The following CTNNA3 variants were observed in gnomAD, a reference collection of about 807,000 sequenced individuals.
CTNNA3 encodes the protein catenin alpha-3.
In CTNNA3, 76 loss-of-function variants were observed where a neutral mutation model predicts 95.7. The observed-to-expected ratio is 0.79, with a 90% CI of 0.66 to 0.96. The LOEUF (loss-of-function observed/expected upper bound fraction) is 0.96, where lower values mean the gene tolerates loss of function less well. Among genes scored for constraint, CTNNA3 ranks in the 40% least tolerant of loss-of-function variants. CTNNA3 has a pLI of 0.00. For synonymous variants in CTNNA3, 431 were observed against 374.4 expected (o/e 1.15, Z -1.74); for missense variants, 1,191 against 1,089.8 (o/e 1.09, Z -1.31).
intron 11 of CTNNA3, among the ~76,000 whole-genome samples, chr10:66,457,492 A>G (rs1002151691): frequency 1.8e-4 from 27 of 152,064 alleles, no homozygotes; most frequent in Non-Finnish European, 8.8e-5. Context: ...CCTCAGCAAT[A>G]CTATTCCTGG....
chr10:66,913,256 A>AG (rs1846311175), intron 7 of CTNNA3, among the ~76,000 whole-genome samples: 1 of 149,806 alleles, frequency 6.7e-6, no homozygotes, highest in African/African-American at 2.4e-5. Flanking sequence ...AAAAAAAAAA[A>AG]AAAAAAAAAG....
In CTNNA3 at chr10:66,203,128, T is replaced by G. The variant is rs187701789; in HGVS notation, c.1884+77342A>C. Among the ~76,000 whole-genome samples the G allele has an allele frequency of 1.3e-3, 194 of 152,304 alleles. 1 individual carries two copies. The highest frequency in any genetic ancestry group is 4.4e-3 in the African/African-American group (183 of 41,582). ...ATATAGATCTATGTCCATCACTGTT[T>G]TCTGATAGAAGATCCAACCATTAAT... On this transcript the variant is annotated intron_variant, in intron 13 of 17. Transcript: ENST00000433211.
intron 17 of CTNNA3, among the ~76,000 whole-genome samples, chr10:65,932,833 G>T (rs1258590304): frequency 6.6e-6 from 1 of 151,936 alleles, no homozygotes; most frequent in African/African-American, 2.4e-5. Context: ...TCCCCACTTG[G>T]TTTTTCTGAA....
intron 5 of CTNNA3, among the ~76,000 whole-genome samples, chr10:67,485,907 G>C (rs1163033152): frequency 6.6e-6 from 1 of 152,116 alleles, no homozygotes; most frequent in Non-Finnish European, 1.5e-5. Flanking sequence ...CTTCTTTGTT[G>C]GTTTTCTTTT....
intron 12 of CTNNA3, among the ~76,000 whole-genome samples, chr10:66,334,614 A>T (rs955489541): frequency 6.6e-6 from 1 of 152,042 alleles, no homozygotes; most frequent in East Asian, 1.9e-4. Context: ...TGTAAGTCTG[A>T]TGGGCTTCCC....
chr10:67,055,950 T>C (rs537598516), intron 7 of CTNNA3, among the ~76,000 whole-genome samples: 208 of 152,238 alleles, frequency 1.4e-3, no homozygotes, highest in African/African-American at 4.7e-3. Flanking sequence ...TTTACACTGA[T>C]GATAATGTGT....
At chr10:66,145,557 A>C (rs1264140492) in intron 13 of CTNNA3, among the ~76,000 whole-genome samples, 1 of 152,146 alleles carries the variant, frequency 6.6e-6, no homozygotes, top group East Asian at 1.9e-4. Context: ...CTATGTAAAA[A>C]TAGGTCCTTC....
chr10:67,326,946 G>A (rs1841562466), intron 5 of CTNNA3, among the ~76,000 whole-genome samples: 1 of 151,724 alleles, frequency 6.6e-6, no homozygotes, highest in Non-Finnish European at 1.5e-5. Context: ...CTCTATTCTT[G>A]TCTGAATGTC....
chr10:67,119,695 G>A (rs1244036194), intron 7 of CTNNA3, among the ~76,000 whole-genome samples: 1 of 152,008 alleles, frequency 6.6e-6, no homozygotes, highest in Admixed American at 6.6e-5. Flanking sequence ...AAAACAAGTA[G>A]TGAATGAGAA....
intron 7 of CTNNA3, among the ~76,000 whole-genome samples, chr10:67,057,975 G>A (rs1161656231): frequency 6.6e-6 from 1 of 152,074 alleles, no homozygotes; most frequent in Non-Finnish European, 1.5e-5. Context: ...AGAATGATAG[G>A]CAATCAGCAG....
chr10:66,428,968 G>T (rs962900507), intron 11 of CTNNA3, among the ~76,000 whole-genome samples: 37 of 151,970 alleles, frequency 2.4e-4, no homozygotes, highest in African/African-American at 6.5e-4. Flanking sequence ...TTCAGGAGCT[G>T]GTTTTTTGAA....
At chr10:67,239,771 C>G (rs545569291) in intron 5 of CTNNA3, among the ~76,000 whole-genome samples, 1 of 152,166 alleles carries the variant, frequency 6.6e-6, no homozygotes, top group African/African-American at 2.4e-5. Context: ...GCTATGTTGT[C>G]ATATTACCCA....
chr10:66,042,419 T>C (rs1414495194), intron 15 of CTNNA3, among the ~76,000 whole-genome samples: 3 of 151,576 alleles, frequency 2.0e-5, no homozygotes, highest in African/African-American at 7.3e-5. Context: ...AAGAAAGTGG[T>C]GGGAAAAGGG....
chr10:66,305,343 G>A (rs1351978608), intron 12 of CTNNA3, among the ~76,000 whole-genome samples: 3 of 152,074 alleles, frequency 2.0e-5, no homozygotes, highest in Non-Finnish European at 4.4e-5. Context: ...GTACAAAACA[G>A]TGTTGATAAT....
At chr10:66,550,600 A>G (rs1341840712) in intron 10 of CTNNA3, among the ~76,000 whole-genome samples, 1 of 152,196 alleles carries the variant, frequency 6.6e-6, no homozygotes, top group African/African-American at 2.4e-5. Flanking sequence ...TCTAAGAGAA[A>G]GTTTGCCAAC....
chr10:67,137,671 CT>C (rs1412107225), intron 7 of CTNNA3, among the ~76,000 whole-genome samples: 1 of 152,178 alleles, frequency 6.6e-6, no homozygotes, highest in Admixed American at 6.6e-5. Flanking sequence ...GTCATAGCCA[CT>C]GAATAGCATG....
At chr10:66,216,382 A>G (rs953186921) in intron 13 of CTNNA3, among the ~76,000 whole-genome samples, 2 of 152,214 alleles carry the variant, frequency 1.3e-5, no homozygotes, top group Non-Finnish European at 2.9e-5. Context: ...ACTGTCACCC[A>G]TGACTAGGGC....
chr10:66,235,493 C>T (rs2089805558), intron 13 of CTNNA3, among the ~76,000 whole-genome samples: 1 of 151,296 alleles, frequency 6.6e-6, no homozygotes, highest in African/African-American at 2.4e-5. Context: ...TTTTATTAAT[C>T]ATCATTGTTA....
At chr10:67,574,469 A>C (rs2133297186) in intron 3 of CTNNA3, among the ~76,000 whole-genome samples, 1 of 152,052 alleles carries the variant, frequency 6.6e-6, no homozygotes, top group African/African-American at 2.4e-5. Flanking sequence ...GTGTATAGTA[A>C]GACTAACAGC....
Sources: gnomAD v4.1 joint callset for allele counts (sites outside exome capture counted in the v4.1 genomes callset) on GRCh38, gnomAD v4.1.1 for gene constraint, MANE v1.5 for transcripts, NCBI Gene and HGNC (gene_info 2026-07-23, HGNC 2026-07-21) for gene names.